The following CPSF1 variants were observed in gnomAD, a reference collection of about 807,000 sequenced individuals.
CPSF1 encodes cleavage and polyadenylation specific factor 1, also known as cleavage and polyadenylation specificity factor subunit 1.
CPSF1 carries 106 observed loss-of-function variants against 175.8 expected under a neutral mutation model. The observed-to-expected ratio is 0.60, with a 90% CI of 0.52 to 0.71. CPSF1 has a LOEUF of 0.71. Among genes scored for constraint, CPSF1 ranks in the 30% least tolerant of loss-of-function variants. The pLI is 0.00. For synonymous variants in CPSF1, 1,024 were observed against 858.3 expected, an observed-to-expected ratio of 1.19 and a Z score of -3.37; for missense variants, 1,734 against 2,022.9, an observed-to-expected ratio of 0.86 and a Z score of 2.74.
chr8:144,400,706 G>A lies in CPSF1; in HGVS notation c.651C>T (p.Leu217=). 1 of 1,611,602 alleles carries A rather than the reference G, an allele frequency of 6.2e-7. No individual in the cohort carries two copies. Among genetic ancestry groups the A allele is most frequent in the Non-Finnish European group, 8.5e-7 (1 of 1,179,046 alleles). ...QFLHGYYEPT[L]LILFEPNQTW... ...TCTGGTTGGGCTCAAACAGGATGAG[G>A]AGGGTAGGCTCGTAGTAGCCATGCA... The change falls in exon 7 of 38, where the codon CTC becomes CTT. Residue 217 remains leucine (L), a synonymous_variant. Transcript: ENST00000616140.
Position 144,399,854 on chromosome 8 carries a change from A to G in CPSF1, c.1046T>C (p.Leu349Pro). ...GACACTGCGCATGCCGTCGGTGATG[A>G]GGGTCAGCACGTAGCTGGGGGCAGG... ...LKGGEIYVLT[L>P]ITDGMRSVRA... Residue 349 changes from leucine to proline, a missense_variant, in exon 11 of 38, where the codon CTC becomes CCC. Physicochemically the swap from Leu to Pro is moderately conservative, Grantham distance 98. Transcript: ENST00000616140. The surrounding 1 kb of genome is among the most constrained non-coding windows in gnomAD (Gnocchi z 6.4). The G allele has an allele frequency of 6.5e-7, 1 of 1,550,344 alleles. No individual in the cohort carries two copies. The highest frequency in any genetic ancestry group is 8.7e-7 in the Non-Finnish European group (1 of 1,148,780).
intron 26 of CPSF1, 28 bp downstream of exon 26, chr8:144,396,320 G>A (rs1554863666): frequency 6.4e-7 from 1 of 1,567,556 alleles, no homozygotes. Flanking sequence ...GCATCAGCCA[G>A]TGCTGCTGGG....
In CPSF1 at chr8:144,396,358, A is replaced by T; in HGVS notation, c.2969T>A (p.Phe990Tyr). 6.3e-7 allele frequency: 1 copy of T among 1,586,018 alleles called. No individual in the cohort carries two copies. The highest frequency in any genetic ancestry group is 8.6e-7 in the Non-Finnish European group (1 of 1,169,296). Residue 990 changes from phenylalanine (F) to tyrosine (Y), a missense_variant, in exon 26 of 38, where the codon TTC becomes TAC. This residue lies in a region of CPSF1 where 585 missense variants were observed against 584.7 expected (regional missense o/e 1.00). Coordinates refer to ENST00000616140, the MANE Select transcript of CPSF1 (RefSeq NM_013291.3). ...NVNCPRGFLY[F>Y]NRQGELRISV... is the part of the protein sequence containing the mutation. The stretch of plus-strand genomic sequence containing the variant: ...CCGGCCGGGCCCCACCTGTCTGTTG[A>T]AGTACAGGAAGCCGCGGGGACAGTT...
At position 144,399,540 on chromosome 8, in the gene CPSF1, G is replaced by A. The variant is rs2116863700; in HGVS notation, c.1243-37C>T. 1 of 1,611,886 alleles carries A rather than the reference G, an allele frequency of 6.2e-7. No homozygotes were observed. The highest frequency in any genetic ancestry group is 8.5e-7 in the Non-Finnish European group (1 of 1,179,416). On this transcript the variant is annotated intron_variant, in intron 12 of 37. Coordinates refer to ENST00000616140, the MANE Select transcript of CPSF1 (RefSeq NM_013291.3). The surrounding 1 kb of genome is among the most constrained non-coding windows in gnomAD (Gnocchi z 6.4). ...GAGGGGCACTGAGTGGCATGCCACA[G>A]CAGTGCCCACATGAAGGGTGGTGGC...
chr8:144,406,068 TAC>T (rs1337102034), intron 2 of CPSF1, among the ~76,000 whole-genome samples: 2 of 152,046 alleles, frequency 1.3e-5, no homozygotes, highest in African/African-American at 4.8e-5. Context: ...GGCAGTTAGT[TAC>T]AGAGCCACGA....
At position 144,409,308 on chromosome 8, in the gene CPSF1, C is replaced by G. The variant is rs1586641735; in HGVS notation, c.-34G>C. ...GCCCACCTGGCAGTTGGAGCCGACT[C>G]GAGAGGAACCGGGACAGCAGCGAAC... On this transcript the variant is annotated 5_prime_UTR_variant, in exon 1 of 38. Transcript: ENST00000616140. The G allele has an allele frequency of 3.4e-6, 2 of 582,398 alleles. No individual in the cohort carries two copies. Among genetic ancestry groups the G allele is most frequent in the South Asian group, 8.3e-5 (1 of 11,990 alleles). 36.1% of individuals were successfully genotyped at this position (582,398 alleles called of 1,614,324 possible).
In CPSF1 at chr8:144,396,516, G is replaced by A. The variant is rs374536457; in HGVS notation, c.2827-16C>T. On this transcript the variant is annotated splice_polypyrimidine_tract_variant and intron_variant, in intron 25 of 37. Coordinates refer to ENST00000616140, the MANE Select transcript of CPSF1 (RefSeq NM_013291.3). The stretch of plus-strand genomic sequence containing the variant: ...AGATGAAGACCTGGGGGCAGGCACC[G>A]TGAGGATGCTGTGGATGAGGATGCT... The A allele has an allele frequency of 3.0e-5, 48 of 1,611,524 alleles. No individual in the cohort carries two copies. The highest frequency in any genetic ancestry group is 1.5e-4 in the African/African-American group (11 of 74,910).
rs558556046 is a variant in CPSF1, at chr8:144,396,644, C to A, written c.2780G>T (p.Arg927Leu). Reference protein sequence around the residue: ...GAEEGAGARGRVARFRYFEDI... With the variant: ...GAEEGAGARGLVARFRYFEDI... Reference sequence around the variant, plus strand: ...CTCGAAGTAGCGGAAACGCGCCACGCGGCCCCGGGCCCCAGCCCCCTCCTC... The same window carrying A: ...CTCGAAGTAGCGGAAACGCGCCACGAGGCCCCGGGCCCCAGCCCCCTCCTC... The change falls in exon 25 of 38, where the codon CGC (arginine) becomes CTC (leucine). Residue 927 changes from arginine to leucine, a missense_variant. Around this residue, in one of 10 missense-constraint regions of CPSF1, gnomAD observed 585 missense variants for 584.7 expected, o/e 1.00. Transcript: ENST00000616140. The A allele has an allele frequency of 1.9e-6, 3 of 1,613,618 alleles. No individual in the cohort carries two copies. The highest frequency in any genetic ancestry group is 2.5e-6 in the Non-Finnish European group (3 of 1,180,014).
chr8:144,400,135 G>GGCGCC, intron 9 of CPSF1, 31 bp downstream of exon 9: 1 of 896,006 alleles, frequency 1.1e-6, no homozygotes, highest in Non-Finnish European at 1.6e-6. Flanking sequence ...CCGTCCCCGG[G>GGCGCC]CCCCCCCCGC....
Position 144,399,574 on chromosome 8 carries a change from C to G in CPSF1, c.1242+14G>C. ...ACATGAAGGGTGGTGGCCCAATGGG[C>G]CCAGGAAACCCACCTTGTCGGCAGC... is the stretch of plus-strand genomic sequence containing the variant. On this transcript the variant is annotated intron_variant, in intron 12 of 37. Coordinates refer to ENST00000616140, the MANE Select transcript of CPSF1 (RefSeq NM_013291.3). The surrounding 1 kb of genome is among the most constrained non-coding windows in gnomAD (Gnocchi z 6.4). The G allele has an allele frequency of 6.2e-7, 1 of 1,610,506 alleles. No individual in the cohort carries two copies. The highest frequency in any genetic ancestry group is 8.5e-7 in the Non-Finnish European group (1 of 1,178,580).
chr8:144,407,436 C>T (rs2116908554), intron 2 of CPSF1, among the ~76,000 whole-genome samples: 4 of 152,108 alleles, frequency 2.6e-5, no homozygotes, highest in Non-Finnish European at 5.9e-5. Flanking sequence ...AATCCCAGCA[C>T]TTTGGAAGGC....
chr8:144,396,542 G>A (rs1440564417), intron 25 of CPSF1, 42 bp from the exon 26 acceptor site: 1 of 1,608,524 alleles, frequency 6.2e-7, no homozygotes, highest in Non-Finnish European at 8.5e-7. Context: ...TGAGGATGCT[G>A]CGGATGAGGC....
intron 4 of CPSF1, 40 bp downstream of exon 4, chr8:144,401,387 CCCA>C: frequency 1.9e-6 from 3 of 1,612,702 alleles, no homozygotes; most frequent in Non-Finnish European, 2.5e-6. Flanking sequence ...GGCACCCACT[CCCA>C]CGCCTTGGCC....
chr8:144,402,254 T>C lies in CPSF1; in HGVS notation c.145-581A>G, dbSNP rs2116890091. Among the ~76,000 whole-genome samples the C allele has an allele frequency of 3.3e-5, 5 of 152,350 alleles. No individual in the cohort carries two copies. In the East Asian group the frequency reaches 9.6e-4, roughly 29 times the overall value. On this transcript the variant is annotated intron_variant, in intron 2 of 37. Transcript: ENST00000616140. ...CTAGTTTAACTAGCTAGCAGATTTA[T>C]ATGCCATTGCCTCAAGGCAAGGGAA...
In CPSF1 at chr8:144,399,897, G is replaced by A; in HGVS notation, c.1032-29C>T. The A allele has an allele frequency of 1.3e-6, 2 of 1,560,330 alleles. No homozygotes were observed. The highest frequency in any genetic ancestry group is 1.2e-5 in the South Asian group (1 of 85,392). On this transcript the variant is annotated intron_variant, in intron 10 of 37. Transcript: ENST00000616140. This position sits in a 1 kb window ranked among gnomAD's most constrained non-coding sequence, Gnocchi z 6.4. ...GGGGCAGGGAGAATTCTGAGTCGGG[G>A]ATGGGGACCCTGGGGGAGTGAAGGG... is the stretch of plus-strand genomic sequence containing the variant.
At chr8:144,404,278 G>A (rs2116897564) in intron 2 of CPSF1, among the ~76,000 whole-genome samples, 5 of 152,172 alleles carry the variant, frequency 3.3e-5, no homozygotes, top group South Asian at 2.1e-4. Flanking sequence ...AGCCAAGGAC[G>A]CCTGATCCAC....
chr8:144,400,135 G>GGGGGGCCCCCCCCCCCCCC, intron 9 of CPSF1, 31 bp downstream of exon 9: 16 of 895,950 alleles, frequency 1.8e-5, no homozygotes, highest in Middle Eastern at 7.5e-4. Context: ...CCGTCCCCGG[G>GGGGGGCCCCCCCCCCCCCC]CCCCCCCCGC....
rs2116865006 is a variant in CPSF1 at position 144,399,665 on chromosome 8, C to T, written c.1165G>A (p.Gly389Ser). The change falls in exon 12 of 38, where the codon GGC (glycine) becomes AGC (serine). Residue 389 changes from glycine to serine, a missense_variant. By Grantham distance (56) the Gly-to-Ser change is moderately conservative. Transcript: ENST00000616140. This position sits in a 1 kb window ranked among gnomAD's most constrained non-coding sequence, Gnocchi z 6.4. Reference protein sequence around the residue: ...PGYLFLGSRLGNSLLLKYTEK... With the variant: ...PGYLFLGSRLSNSLLLKYTEK... Reference sequence around the variant, plus strand: ...GTGTACTTGAGGAGGAGGGAATTGCCCAGGCGAGAACCCAGGAACAGGTAC... The same window carrying T: ...GTGTACTTGAGGAGGAGGGAATTGCTCAGGCGAGAACCCAGGAACAGGTAC... 6.2e-7 allele frequency: 1 copy of T among 1,610,588 alleles called. No individual in the cohort carries two copies. The highest frequency in any genetic ancestry group is 1.1e-5 in the South Asian group (1 of 90,488).
chr8:144,403,386 G>T (rs368804485), intron 2 of CPSF1, among the ~76,000 whole-genome samples: 2 of 151,918 alleles, frequency 1.3e-5, no homozygotes, highest in African/African-American at 2.4e-5. Flanking sequence ...GAGCCACCAC[G>T]CCAGGCCTTT....
Sources: gnomAD v4.1 joint callset for allele counts (sites outside exome capture counted in the v4.1 genomes callset) on GRCh38, gnomAD v4.1.1 for gene constraint, gnomAD v4.1.1 regional missense constraint, Gnocchi (gnomAD v3.1) non-coding constraint, MANE v1.5 for transcripts, NCBI Gene and HGNC (gene_info 2026-07-23, HGNC 2026-07-21) for gene names.